MAN1A1: variants seen among roughly 807,000 people sequenced by gnomAD.
MAN1A1 encodes mannosidase alpha class 1A member 1.
Under a neutral mutation model 70.8 loss-of-function variants are expected in MAN1A1, and 29 were observed. That is an observed-to-expected ratio of 0.41 (90% CI 0.31 to 0.56). The LOEUF is 0.56. MAN1A1 is among the 20% of genes least tolerant of loss of function. MAN1A1 has a pLI of 0.29. For missense variants in MAN1A1, 747 were observed against 841.3 expected, an observed-to-expected ratio of 0.89 and a Z score of 1.39; for synonymous variants, 349 against 330.1, an observed-to-expected ratio of 1.06 and a Z score of -0.62.
chr6:119,224,034 C>T (rs1334231671), intron 6 of MAN1A1, among the ~76,000 whole-genome samples: 1 of 152,072 alleles, frequency 6.6e-6, no homozygotes, highest in African/African-American at 2.4e-5. Flanking sequence ...TGGCACAGGA[C>T]AGAGTTAAAG....
At chr6:119,226,270 G>A (rs1360181630) in intron 6 of MAN1A1, among the ~76,000 whole-genome samples, 1 of 152,202 alleles carries the variant, frequency 6.6e-6, no homozygotes, top group African/African-American at 2.4e-5. Flanking sequence ...ACAGCAGGCA[G>A]CATGAGCTTC....
At chr6:119,298,559 T>A (rs1727076381) in intron 4 of MAN1A1, among the ~76,000 whole-genome samples, 1 of 152,142 alleles carries the variant, frequency 6.6e-6, no homozygotes, top group Admixed American at 6.6e-5. Flanking sequence ...TGTTTCATTT[T>A]TATTTTCCCT....
intron 6 of MAN1A1, among the ~76,000 whole-genome samples, chr6:119,228,341 T>TC (rs1774577599): frequency 6.6e-6 from 1 of 152,208 alleles, no homozygotes; most frequent in South Asian, 2.1e-4. Context: ...ACACAAATGA[T>TC]CATAATGCAA....
intron 2 of MAN1A1, among the ~76,000 whole-genome samples, chr6:119,327,043 CAT>C (rs1314571726): frequency 1.1e-4 from 17 of 152,182 alleles, no homozygotes; most frequent in Non-Finnish European, 2.1e-4. Flanking sequence ...GACCTGTGCA[CAT>C]GTTATTTCAC....
At chr6:119,266,006 A>C (rs1324820519) in intron 5 of MAN1A1, among the ~76,000 whole-genome samples, 1 of 152,154 alleles carries the variant, frequency 6.6e-6, no homozygotes, top group Non-Finnish European at 1.5e-5. Flanking sequence ...AAAACACAAT[A>C]CCATTGTGAG....
rs577608745 is a variant in MAN1A1 at position 119,212,031 on chromosome 6, G to A, written c.993-7149C>T. On this transcript the variant is annotated intron_variant, in intron 6 of 12. Coordinates refer to ENST00000368468, the MANE Select transcript of MAN1A1 (RefSeq NM_005907.4). Reference sequence around the variant, plus strand: ...AATTTTTTGTATTTTTAGCAGAGACGGGGTTTCACCATGTTAGCCAGGATG... The same window carrying A: ...AATTTTTTGTATTTTTAGCAGAGACAGGGTTTCACCATGTTAGCCAGGATG... 3.6e-3 allele frequency among the ~76,000 whole-genome samples: 539 copies of A among 151,760 alleles called. 1 individual carries two copies. The highest frequency in any genetic ancestry group is 6.8e-3 in the Middle Eastern group (2 of 294).
intron 8 of MAN1A1, among the ~76,000 whole-genome samples, chr6:119,194,540 T>C (rs539783347): frequency 6.6e-6 from 1 of 152,270 alleles, no homozygotes; most frequent in Admixed American, 6.5e-5. Flanking sequence ...CCTCAGCTGA[T>C]ATACAACTCC....
intron 5 of MAN1A1, among the ~76,000 whole-genome samples, chr6:119,261,135 T>C (rs2104360): frequency 0.86 from 129,733 of 151,584 alleles, 55,814 homozygotes; most frequent in Non-Finnish European, 0.9. Context: ...CCTGCCACCA[T>C]GCCCGGCTAA....
intron 4 of MAN1A1, among the ~76,000 whole-genome samples, chr6:119,298,214 T>A (rs184475188): frequency 6.6e-6 from 1 of 152,192 alleles, no homozygotes; most frequent in African/African-American, 2.4e-5. Context: ...CTAATATCTA[T>A]GTGCCTCTAC....
At chr6:119,289,272 A>G (rs570287897) in intron 5 of MAN1A1, among the ~76,000 whole-genome samples, 1 of 151,978 alleles carries the variant, frequency 6.6e-6, no homozygotes, top group South Asian at 2.1e-4. Context: ...AAATTGTCTC[A>G]CCTCCACATA....
intron 7 of MAN1A1, 24 bp downstream of exon 7, chr6:119,204,735 C>T (rs984525582): frequency 3.1e-6 from 5 of 1,613,466 alleles, no homozygotes; most frequent in Non-Finnish European, 4.2e-6. Context: ...GCTTTGCAGG[C>T]CAAGGCACAT....
chr6:119,211,490 C>T (rs1013429628), intron 6 of MAN1A1, among the ~76,000 whole-genome samples: 5 of 152,090 alleles, frequency 3.3e-5, no homozygotes, highest in East Asian at 1.9e-4. Context: ...TTAATAAAAC[C>T]GAAAAGCAAA....
upstream of MAN1A1, among the ~76,000 whole-genome samples, chr6:119,350,280 T>C (rs1442428154): frequency 1.3e-5 from 2 of 152,172 alleles, no homozygotes; most frequent in East Asian, 3.9e-4. Flanking sequence ...AGTTACCCTC[T>C]TTTTATCCAA....
At chr6:119,196,419 T>A (rs187774039) in intron 8 of MAN1A1, among the ~76,000 whole-genome samples, 1 of 152,082 alleles carries the variant, frequency 6.6e-6, no homozygotes, top group African/African-American at 2.4e-5. Context: ...CAGGCCTGGA[T>A]GGCTGTTTGT....
chr6:119,259,903 G>A (rs1393926743), intron 5 of MAN1A1, among the ~76,000 whole-genome samples: 1 of 151,980 alleles, frequency 6.6e-6, no homozygotes, highest in Non-Finnish European at 1.5e-5. Context: ...CACAAAATTA[G>A]ACATAAAATA....
intron 5 of MAN1A1, among the ~76,000 whole-genome samples, chr6:119,266,404 A>C (rs6915957): frequency 0.32 from 48,623 of 151,964 alleles, 8,201 homozygotes; most frequent in Non-Finnish European, 0.35. Context: ...AATGGAACAG[A>C]ATAGAGAGCC....
rs532596267 is a variant in MAN1A1 at position 119,304,918 on chromosome 6, T to C, written c.700+1978A>G. On this transcript the variant is annotated intron_variant, in intron 3 of 12. Transcript: ENST00000368468. ...ACTACATATTACACAGATAAGAAAT[T>C]TGGCTGAGAAGTGGGCTAAAGAAAT... Among the ~76,000 whole-genome samples, 7 of 150,058 alleles carry C rather than the reference T, an allele frequency of 4.7e-5. No individual in the cohort carries two copies. The East Asian group carries it at 7.7e-4, about 17-fold the overall frequency.
chr6:119,241,393 C>T (rs532465646), intron 6 of MAN1A1, among the ~76,000 whole-genome samples: 1 of 152,298 alleles, frequency 6.6e-6, no homozygotes, highest in Non-Finnish European at 1.5e-5. Flanking sequence ...GCTCTGATGG[C>T]TCAGTCATTT....
chr6:119,335,990 A>G (rs981593196), intron 2 of MAN1A1, among the ~76,000 whole-genome samples: 1 of 152,202 alleles, frequency 6.6e-6, no homozygotes, highest in Admixed American at 6.5e-5. Context: ...CATCAGTATC[A>G]CCTAGCAACA....
Sources: allele counts gnomAD v4.1 joint callset (sites outside exome capture counted in the v4.1 genomes callset), GRCh38; gene constraint gnomAD v4.1.1; transcripts MANE v1.5; gene names NCBI Gene and HGNC (gene_info 2026-07-23, HGNC 2026-07-21).